The following MAML3 variants were observed in gnomAD, a reference collection of about 807,000 sequenced individuals.
The protein encoded by MAML3 is mastermind-like protein 3.
A neutral mutation model predicts 101.9 loss-of-function variants in MAML3; 27 were observed. The ratio of observed to expected loss-of-function variants is 0.27; its 90% CI spans 0.20 to 0.37. MAML3 has a LOEUF of 0.37. Among genes scored for constraint, MAML3 ranks in the 10% least tolerant of loss-of-function variants. The probability of loss-of-function intolerance (pLI) is 1.00; values close to 1 mark genes in which losing one functional copy is unlikely to be tolerated. For missense variants in MAML3, 1,316 were observed against 1,444.9 expected (o/e 0.91, Z 1.45); for synonymous variants, 501 against 555.9 (o/e 0.90, Z 1.39).
intron 1 of MAML3, among the ~76,000 whole-genome samples, chr4:139,939,986 G>A (rs574692613): frequency 1.3e-5 from 2 of 151,928 alleles, no homozygotes; most frequent in African/African-American, 4.8e-5. Context: ...GGCTGGTCTC[G>A]AACTCCTGAC....
chr4:139,909,515 T>C (rs951187010), intron 1 of MAML3, among the ~76,000 whole-genome samples: 1 of 152,040 alleles, frequency 6.6e-6, no homozygotes, highest in Non-Finnish European at 1.5e-5. Flanking sequence ...TCAAGACCAG[T>C]GGTATAGCCA....
chr4:140,097,762 C>G (rs1237036454), intron 1 of MAML3, among the ~76,000 whole-genome samples: 1 of 152,216 alleles, frequency 6.6e-6, no homozygotes, highest in African/African-American at 2.4e-5. Flanking sequence ...ACCTCATCTC[C>G]AAGCTCACGT....
At chr4:139,987,403 T>G (rs774684783) in intron 1 of MAML3, among the ~76,000 whole-genome samples, 6 of 152,330 alleles carry the variant, frequency 3.9e-5, no homozygotes, top group Non-Finnish European at 7.3e-5. Context: ...TGTTATGATG[T>G]CACTTCTCAT....
At chr4:139,812,619 ACACTGGCAGC>A (rs1462183386) in intron 2 of MAML3, among the ~76,000 whole-genome samples, 1 of 152,198 alleles carries the variant, frequency 6.6e-6, no homozygotes, top group Admixed American at 6.5e-5. Context: ...GGCTTCAAGA[ACACTGGCAGC>A]CACTGGCAGC....
chr4:139,891,095 T>C, intron 1 of MAML3, 128 bp from the exon 2 acceptor site: 1 of 1,138,716 alleles, frequency 8.8e-7, no homozygotes, highest in Non-Finnish European at 1.2e-6. Context: ...AAGTCATACT[T>C]ATAATTTCAA....
Position 139,890,872 on chromosome 4 carries a change from A to T in MAML3, c.564T>A (p.Thr188=), listed in dbSNP as rs775050505. Residue 188 remains threonine (T), a synonymous_variant, in exon 2 of 5, where the codon ACT becomes ACA. Transcript: ENST00000509479. The surrounding 1 kb of genome is among the most constrained non-coding windows in gnomAD (Gnocchi z 4.1). ...AAATGTCCTTTCGAATTCGTTTGCT[A>T]GTCGGAGAAAAATTCCCATCACAAG... ...NGACDGNFSP[T]SKRIRKDISA... 2.0e-5 allele frequency: 33 copies of T among 1,613,690 alleles called. No individual in the cohort carries two copies. Among genetic ancestry groups the T allele is most frequent in the Non-Finnish European group, 2.6e-5 (31 of 1,179,798 alleles).
intron 1 of MAML3, among the ~76,000 whole-genome samples, chr4:140,139,764 A>G (rs1000906449): frequency 2.0e-5 from 3 of 152,236 alleles, no homozygotes; most frequent in African/African-American, 7.2e-5. Flanking sequence ...TTAGATAACC[A>G]TTTATCTATA....
At chr4:140,083,220 CCTT>C (rs1005204628) in intron 1 of MAML3, among the ~76,000 whole-genome samples, 3 of 152,214 alleles carry the variant, frequency 2.0e-5, no homozygotes, top group Non-Finnish European at 4.4e-5. Context: ...TTACAGCTCA[CCTT>C]CTGAAAGAAG....
chr4:139,850,706 A>G (rs1249230728), intron 2 of MAML3, among the ~76,000 whole-genome samples: 1 of 151,896 alleles, frequency 6.6e-6, no homozygotes, highest in African/African-American at 2.4e-5. Flanking sequence ...AAGCCCGGCT[A>G]ATTTTTTTGT....
At chr4:139,811,146 T>A (rs1730789640) in intron 2 of MAML3, among the ~76,000 whole-genome samples, 1 of 152,208 alleles carries the variant, frequency 6.6e-6, no homozygotes, top group Admixed American at 6.5e-5. Context: ...GGCTTCTTAT[T>A]ACATGAGGAA....
intron 1 of MAML3, among the ~76,000 whole-genome samples, chr4:139,912,669 G>T (rs1010441518): frequency 6.6e-6 from 1 of 152,208 alleles, no homozygotes; most frequent in African/African-American, 2.4e-5. Flanking sequence ...GTGAAAACAC[G>T]AAGACATACA....
At chr4:139,738,243 A>T (rs1729021588) in intron 2 of MAML3, among the ~76,000 whole-genome samples, 1 of 152,222 alleles carries the variant, frequency 6.6e-6, no homozygotes, top group African/African-American at 2.4e-5. Flanking sequence ...ATAAAGGGGA[A>T]CAAGACTTGT....
intron 1 of MAML3, among the ~76,000 whole-genome samples, chr4:140,001,798 C>T (rs1307043791): frequency 6.6e-6 from 1 of 152,172 alleles, no homozygotes; most frequent in Non-Finnish European, 1.5e-5. Context: ...CTAACAAATA[C>T]TGCCAGTCTA....
At chr4:140,109,902 G>A (rs74840777) in intron 1 of MAML3, among the ~76,000 whole-genome samples, 37 of 152,316 alleles carry the variant, frequency 2.4e-4, no homozygotes, top group African/African-American at 8.9e-4. Context: ...GAGTCTAATG[G>A]AAGAGAGTAA....
intron 1 of MAML3, among the ~76,000 whole-genome samples, chr4:140,126,912 C>T (rs1050060504): frequency 1.3e-5 from 2 of 152,174 alleles, no homozygotes; most frequent in Non-Finnish European, 2.9e-5. Flanking sequence ...TGAAAATGGT[C>T]TCCTATCTCC....
intron 1 of MAML3, among the ~76,000 whole-genome samples, chr4:140,061,773 T>C (rs1240979720): frequency 6.6e-6 from 1 of 152,160 alleles, no homozygotes; most frequent in East Asian, 1.9e-4. Flanking sequence ...TGGCAGAAAT[T>C]ACCACTAACT....
intron 1 of MAML3, among the ~76,000 whole-genome samples, chr4:139,992,281 T>C (rs1227085053): frequency 6.6e-6 from 1 of 152,214 alleles, no homozygotes; most frequent in Non-Finnish European, 1.5e-5. Context: ...TAGCTAAGAA[T>C]GATTCTGTTA....
At chr4:140,129,919 T>C (rs1728760357) in intron 1 of MAML3, among the ~76,000 whole-genome samples, 1 of 150,876 alleles carries the variant, frequency 6.6e-6, no homozygotes, top group South Asian at 2.1e-4. Flanking sequence ...GAGCCAAGAT[T>C]GTGCCACTGC....
rs546940908 is a variant in MAML3 at position 139,891,497 on chromosome 4, G to A, written c.469-530C>T. 2.6e-5 allele frequency among the ~76,000 whole-genome samples: 4 copies of A among 152,154 alleles called. No individual in the cohort carries two copies. In the East Asian group the frequency reaches 5.8e-4, roughly 22 times the overall value. Reference sequence around the variant, plus strand: ...TTCACCCTGTTGGCTAGGCTGATCTGGAACTCCTGGCCTCAAGTGATCAGC... The same window carrying A: ...TTCACCCTGTTGGCTAGGCTGATCTAGAACTCCTGGCCTCAAGTGATCAGC... On this transcript the variant is annotated intron_variant, in intron 1 of 4. Transcript: ENST00000509479.
Sources: gnomAD v4.1 joint callset for allele counts (sites outside exome capture counted in the v4.1 genomes callset) on GRCh38, gnomAD v4.1.1 for gene constraint, Gnocchi (gnomAD v3.1) non-coding constraint, MANE v1.5 for transcripts, NCBI Gene and HGNC (gene_info 2026-07-23, HGNC 2026-07-21) for gene names.